Variants in ZBTB7C observed in about 807,000 individuals in gnomAD.
ZBTB7C encodes the protein zinc finger and BTB domain-containing protein 7C.
Under a neutral mutation model 25.7 loss-of-function variants are expected in ZBTB7C, and 8 were observed. That is an observed-to-expected ratio of 0.31 (90% confidence interval 0.18 to 0.56). ZBTB7C has a LOEUF of 0.56. Ranked by LOEUF, ZBTB7C falls within the 20% of genes least tolerant of loss-of-function variation. The probability of loss-of-function intolerance (pLI) is 0.91; values close to 1 mark genes in which losing one functional copy is unlikely to be tolerated. For synonymous variants in ZBTB7C, 394 were observed against 369.0 expected (o/e 1.07, Z -0.78); for missense variants, 824 against 855.2 (o/e 0.96, Z 0.46).
chr18:48,372,894 C>G (rs773351570), intron 1 of ZBTB7C, among the ~76,000 whole-genome samples: 2 of 152,148 alleles, frequency 1.3e-5, no homozygotes, highest in Non-Finnish European at 2.9e-5. Context: ...AACTGGCAAT[C>G]GTTCCTCAAT....
In ZBTB7C at chr18:48,376,614, C is replaced by T. The variant is rs115346917; in HGVS notation, c.-304+32612G>A. Among the ~76,000 whole-genome samples the T allele has an allele frequency of 5.6e-3, 859 of 152,324 alleles. 9 individuals are homozygous for T. The highest frequency in any genetic ancestry group is 0.019 in the African/African-American group (806 of 41,572). On this transcript the variant is annotated intron_variant, in intron 1 of 4. Coordinates refer to ENST00000590800, the MANE Select transcript of ZBTB7C (RefSeq NM_001318841.2). ...AGAGCAGCCTCCTGCCTGGGGTGGA[C>T]GGCAGACCCCAGGGCCTGCAGCCTG...
At chr18:48,321,096 C>T (rs1598865832) in intron 2 of ZBTB7C, among the ~76,000 whole-genome samples, 1 of 152,362 alleles carries the variant, frequency 6.6e-6, no homozygotes, top group East Asian at 1.9e-4. Context: ...TCTCACCCCA[C>T]GACTGTTATA....
intron 2 of ZBTB7C, among the ~76,000 whole-genome samples, chr18:48,318,127 C>G (rs2045993948): frequency 2.6e-5 from 4 of 152,080 alleles, no homozygotes; most frequent in Admixed American, 1.3e-4. Context: ...ACTTGTGACC[C>G]ATGGAGGCCT....
chr18:48,029,375 A>G lies in ZBTB7C; in HGVS notation c.1745T>C (p.Val582Ala), dbSNP rs1412146355. ...CGGGAAGTAGGGCCGCGCCGCCGCC[A>G]CGTTCTCGGCCAGCGCGAAGGCCAG... ...GLLAFALAEN[V>A]AAARPYFPLP... The change falls in exon 5 of 5, where the codon GTG (valine) becomes GCG (alanine). Residue 582 changes from valine to alanine, a missense_variant. This residue lies in a region of ZBTB7C where 342 missense variants were observed against 307.0 expected (regional missense o/e 1.11). Transcript: ENST00000590800. 1 of 1,554,634 alleles carries G rather than the reference A, an allele frequency of 6.4e-7. No individual in the cohort carries two copies. The highest frequency in any genetic ancestry group is 8.7e-7 in the Non-Finnish European group (1 of 1,154,182).
intron 1 of ZBTB7C, among the ~76,000 whole-genome samples, chr18:48,406,176 G>A (rs1346198552): frequency 6.6e-6 from 1 of 152,032 alleles, no homozygotes; most frequent in East Asian, 1.9e-4. Flanking sequence ...GTCCTTCCGC[G>A]CCCAAGTTCC....
At position 48,129,689 on chromosome 18, in the gene ZBTB7C, T is replaced by C. The variant is rs562564935; in HGVS notation, c.-17+56245A>G. Among the ~76,000 whole-genome samples the C allele has an allele frequency of 1.8e-4, 27 of 152,368 alleles. No homozygotes were observed. The South Asian group carries it at 3.7e-3, about 21-fold the overall frequency. ...GAGAGGCTCCGGGCACGGCACTGCA[T>C]GGAGGCCTGGCCTCAAGTTTCCTCA... On this transcript the variant is annotated intron_variant, in intron 3 of 4. Transcript: ENST00000590800.
intron 3 of ZBTB7C, among the ~76,000 whole-genome samples, chr18:48,115,904 A>C (rs188427871): frequency 6.6e-6 from 1 of 152,222 alleles, no homozygotes; most frequent in Admixed American, 6.5e-5. Flanking sequence ...AGGGCGGGGC[A>C]TACCATGGAG....
chr18:48,233,692 G>T (rs577600811), intron 2 of ZBTB7C, among the ~76,000 whole-genome samples: 1 of 152,358 alleles, frequency 6.6e-6, no homozygotes, highest in South Asian at 2.1e-4. Context: ...AGGTCTGCAT[G>T]TTGAGAGCCA....
intron 1 of ZBTB7C, among the ~76,000 whole-genome samples, chr18:48,364,702 C>T (rs2047183765): frequency 6.6e-6 from 1 of 152,194 alleles, no homozygotes; most frequent in Admixed American, 6.5e-5. Flanking sequence ...AGTCATCCTG[C>T]CATCCCTATC....
chr18:48,372,474 C>G (rs1294427093), intron 1 of ZBTB7C, among the ~76,000 whole-genome samples: 1 of 152,176 alleles, frequency 6.6e-6, no homozygotes, highest in Non-Finnish European at 1.5e-5. Flanking sequence ...GATGTGACTT[C>G]TCCATCTTTC....
In ZBTB7C at chr18:48,041,018, A is replaced by G. The variant is rs770912469; in HGVS notation, c.90T>C (p.Asp30=). 1.2e-6 allele frequency: 2 copies of G among 1,614,036 alleles called. No individual in the cohort carries two copies. Among genetic ancestry groups the G allele is most frequent in the African/African-American group, 1.3e-5 (1 of 75,058 alleles). ...CCAGGAGCACGTCACACAGCAGGCC[A>G]TCGTGCCGTTGCTCATTGAGGCTGC... ...VLCSLNEQRH[D]GLLCDVLLVV... Residue 30 remains aspartate, a synonymous_variant, in exon 4 of 5, where the codon GAT becomes GAC. Coordinates refer to ENST00000590800, the MANE Select transcript of ZBTB7C (RefSeq NM_001318841.2).
chr18:48,098,577 C>T (rs1018824208), intron 3 of ZBTB7C, among the ~76,000 whole-genome samples: 3 of 152,104 alleles, frequency 2.0e-5, no homozygotes, highest in Non-Finnish European at 2.9e-5. Context: ...TTGGCTTCCT[C>T]GAATCCATTC....
At chr18:48,308,531 T>C (rs1261764086) in intron 2 of ZBTB7C, among the ~76,000 whole-genome samples, 1 of 152,228 alleles carries the variant, frequency 6.6e-6, no homozygotes, top group East Asian at 1.9e-4. Flanking sequence ...GGCTGGGTCC[T>C]CTCAGCCAGA....
chr18:48,365,531 G>A (rs2047202949), intron 1 of ZBTB7C, among the ~76,000 whole-genome samples: 1 of 152,106 alleles, frequency 6.6e-6, no homozygotes. Context: ...GAATCCTACG[G>A]CTATAGGAAC....
At chr18:48,319,376 C>A (rs112330713) in intron 2 of ZBTB7C, among the ~76,000 whole-genome samples, 1 of 152,062 alleles carries the variant, frequency 6.6e-6, no homozygotes, top group Non-Finnish European at 1.5e-5. Context: ...TTTTCCTATC[C>A]GTTAAATGGG....
rs559043941 is a variant in ZBTB7C, at chr18:48,039,880, C to T, written c.1208+20G>A. On this transcript the variant is annotated intron_variant, in intron 4 of 4. Transcript: ENST00000590800. The stretch of plus-strand genomic sequence containing the variant: ...TGGCCTCTGGCCCCGTGCCCCACAC[C>T]CGAGGGCTGCCATGCGCACCTGGTG... The T allele has an allele frequency of 7.9e-5, 127 of 1,607,502 alleles. No homozygotes were observed. The highest frequency in any genetic ancestry group is 2.3e-4 in the Admixed American group (14 of 59,970).
intron 3 of ZBTB7C, among the ~76,000 whole-genome samples, chr18:48,050,285 C>T (rs1000907725): frequency 2.2e-4 from 34 of 152,294 alleles, no homozygotes; most frequent in African/African-American, 7.7e-4. Flanking sequence ...GTGGTCACAC[C>T]CCTTGGCCCT....
At chr18:48,144,203 C>T (rs981176763) in intron 3 of ZBTB7C, among the ~76,000 whole-genome samples, 1 of 151,918 alleles carries the variant, frequency 6.6e-6, no homozygotes, top group African/African-American at 2.4e-5. Context: ...CACTTGAAGC[C>T]GGGAGGCGGA....
intron 3 of ZBTB7C, among the ~76,000 whole-genome samples, chr18:48,121,505 C>T (rs1192294921): frequency 6.6e-6 from 1 of 152,116 alleles, no homozygotes; most frequent in Non-Finnish European, 1.5e-5. Context: ...TTTACTGACC[C>T]TGTATCCACT....
Sources: gnomAD v4.1 joint callset for allele counts (sites outside exome capture counted in the v4.1 genomes callset) on GRCh38, gnomAD v4.1.1 for gene constraint, gnomAD v4.1.1 regional missense constraint, MANE v1.5 for transcripts, NCBI Gene and HGNC (gene_info 2026-07-23, HGNC 2026-07-21) for gene names.